Variants in IGDCC3 observed in about 807,000 individuals in gnomAD.
The protein encoded by IGDCC3 is putative neuronal cell adhesion molecule.
IGDCC3 carries 47 observed loss-of-function variants against 72.0 expected under a neutral mutation model. The ratio of observed to expected loss-of-function variants is 0.65; its 90% CI spans 0.52 to 0.83. The LOEUF (loss-of-function observed/expected upper bound fraction) is 0.83. Ranked by LOEUF, IGDCC3 falls within the 40% of genes least tolerant of loss-of-function variation. The pLI, the probability that IGDCC3 is intolerant of heterozygous loss-of-function variation, is 0.00. For synonymous variants in IGDCC3, 477 were observed against 472.8 expected, an observed-to-expected ratio of 1.01 and a Z score of -0.11; for missense variants, 1,038 against 1,091.3, an observed-to-expected ratio of 0.95 and a Z score of 0.69.
In IGDCC3 at chr15:65,330,537, G is replaced by C; in HGVS notation, c.1753+13C>G. 6.2e-7 allele frequency: 1 copy of C among 1,611,970 alleles called. No individual in the cohort carries two copies. The highest frequency in any genetic ancestry group is 8.5e-7 in the Non-Finnish European group (1 of 1,179,032). ...TGCCAAGCCCCCTAGGCTCTGGGCT[G>C]TGTCTGCCTCACCGAGCTGGCTGAG... On this transcript the variant is annotated intron_variant, in intron 10 of 13. Coordinates refer to ENST00000327987, the MANE Select transcript of IGDCC3 (RefSeq NM_004884.4).
chr15:65,375,638 C>T (rs986463925), intron 1 of IGDCC3, among the ~76,000 whole-genome samples: 1 of 152,204 alleles, frequency 6.6e-6, no homozygotes, highest in African/African-American at 2.4e-5. Flanking sequence ...ATTATTTGTA[C>T]TATTTCCTCT....
Position 65,327,281 on chromosome 15 carries a change from G to C in IGDCC3, c.*1628C>G, listed in dbSNP as rs1372557260. The C allele has an allele frequency of 6.6e-6, 1 of 152,616 alleles. No homozygotes were observed. The highest frequency in any genetic ancestry group is 2.4e-5 in the African/African-American group (1 of 41,450). 9.5% of individuals were successfully genotyped at this position (152,616 alleles called of 1,614,324 possible). On this transcript the variant is annotated 3_prime_UTR_variant, in exon 14 of 14. Transcript: ENST00000327987. ...GAGAGAAGCTGCTTTGGGAACAGAG[G>C]GGGCACTGCCTTGGAGCTTTGTGGA...
chr15:65,375,353 A>T lies in IGDCC3; in HGVS notation c.153T>A (p.Asp51Glu). 6.2e-7 allele frequency: 1 copy of T among 1,610,370 alleles called. No individual in the cohort carries two copies. Among genetic ancestry groups the T allele is most frequent in the Non-Finnish European group, 8.5e-7 (1 of 1,176,944 alleles). ...CTATAGGCTGCCCGGGGACGGCAAC[A>T]TCATCACTTGGCTCCACAGCAAATG... is the stretch of plus-strand genomic sequence containing the variant. ...ELAFAVEPSD[D>E]VAVPGQPIVL... The change falls in exon 2 of 14, where the codon GAT becomes GAA. Residue 51 changes from aspartate (D) to glutamate (E), a missense_variant. Asp to Glu is a conservative substitution (Grantham distance 45). Transcript: ENST00000327987.
At chr15:65,360,647 A>G (rs1484529949) in intron 2 of IGDCC3, among the ~76,000 whole-genome samples, 1 of 152,244 alleles carries the variant, frequency 6.6e-6, no homozygotes, top group East Asian at 1.9e-4. Context: ...AAAAGATCTG[A>G]GAAGTGTTTG....
rs376881448 is a variant in IGDCC3, at chr15:65,345,225, G to A, written c.410-9269C>T. Among the ~76,000 whole-genome samples, 39 of 152,180 alleles carry A rather than the reference G, an allele frequency of 2.6e-4. 1 individual carries two copies. Among genetic ancestry groups the A allele is most frequent in the East Asian group, 3.9e-4 (2 of 5,182 alleles). ...CAAACTCCCTCCATCCCACAAATCC[G>A]TCCTTAGATGTGCACACCCAACCTC... On this transcript the variant is annotated intron_variant, in intron 2 of 13. Transcript: ENST00000327987.
At chr15:65,376,855 G>C (rs2091362166) in intron 1 of IGDCC3, among the ~76,000 whole-genome samples, 1 of 152,114 alleles carries the variant, frequency 6.6e-6, no homozygotes, top group South Asian at 2.1e-4. Context: ...AGGTGGGAGG[G>C]TTAAGGGACT....
intron 2 of IGDCC3, among the ~76,000 whole-genome samples, chr15:65,370,343 G>C (rs978441035): frequency 6.6e-6 from 1 of 151,280 alleles, no homozygotes; most frequent in African/African-American, 2.4e-5. Flanking sequence ...ATGAAACCCT[G>C]TCTCTACTAA....
chr15:65,363,293 G>A (rs902879840), intron 2 of IGDCC3, among the ~76,000 whole-genome samples: 6 of 152,170 alleles, frequency 3.9e-5, no homozygotes, highest in East Asian at 1.9e-4. Flanking sequence ...CTCATATTCC[G>A]GGAATGATGA....
In IGDCC3 at chr15:65,331,468, G is replaced by C. The variant is rs1243403346; in HGVS notation, c.1340C>G (p.Pro447Arg). The C allele has an allele frequency of 1.2e-6, 2 of 1,613,292 alleles. No individual in the cohort carries two copies. The highest frequency in any genetic ancestry group is 3.3e-5 in the Admixed American group (2 of 59,990). The change falls in exon 8 of 14, where the codon CCG becomes CGG. Residue 447 changes from proline to arginine, a missense_variant. By Grantham distance (103) the Pro-to-Arg change is moderately radical. Coordinates refer to ENST00000327987, the MANE Select transcript of IGDCC3 (RefSeq NM_004884.4). ...GATGATCTCCTTGGTGTTGGCCAGCGGCTCACTCCAGGACACACGCACCTC... is the reference window on the plus strand; with the variant it reads ...GATGATCTCCTTGGTGTTGGCCAGCCGCTCACTCCAGGACACACGCACCTC... ...STEVRVSWSE[P>R]LANTKEIIGY... is the part of the protein sequence containing the mutation.
rs573274133 is a variant in IGDCC3, at chr15:65,363,765, T to C, written c.409+11332A>G. Among the ~76,000 whole-genome samples, 256 of 152,128 alleles carry C rather than the reference T, an allele frequency of 1.7e-3. 1 individual carries two copies. The highest frequency in any genetic ancestry group is 6.8e-3 in the Middle Eastern group (2 of 294). On this transcript the variant is annotated intron_variant, in intron 2 of 13. Transcript: ENST00000327987. Reference sequence around the variant, plus strand: ...TCAAACAAAGAGTAATTATGACAGATGTGGAGCAATCAGCATCATTATGCG... The same window carrying C: ...TCAAACAAAGAGTAATTATGACAGACGTGGAGCAATCAGCATCATTATGCG...
At chr15:65,358,461 G>T (rs545095697) in intron 2 of IGDCC3, among the ~76,000 whole-genome samples, 21 of 152,130 alleles carry the variant, frequency 1.4e-4, no homozygotes, top group Admixed American at 1.1e-3. Flanking sequence ...AGACTAAAAT[G>T]GCTGTTCAAA....
At position 65,329,292 on chromosome 15, in the gene IGDCC3, A is replaced by G. The variant is rs1162387515; in HGVS notation, c.2205+98T>C. 3 of 1,474,412 alleles carry G rather than the reference A, an allele frequency of 2.0e-6. No homozygotes were observed. Among genetic ancestry groups the G allele is most frequent in the Admixed American group, 4.4e-5 (2 of 45,662 alleles). 91.3% of individuals were successfully genotyped at this position (1,474,412 alleles called of 1,614,324 possible). On this transcript the variant is annotated intron_variant, in intron 13 of 13. Transcript: ENST00000327987. The surrounding 1 kb of genome is among the most constrained non-coding windows in gnomAD (Gnocchi z 4.1). ...GAAGACCTGCAGTTTGACTAAGGCC[A>G]ATGATCGAGGCCCGTGGCCAAGGTG...
rs1056112272 is a variant in IGDCC3 at position 65,377,088 on chromosome 15, CCTT to C, written c.103+595_103+597del. 1.3e-5 allele frequency among the ~76,000 whole-genome samples: 2 copies of C among 152,160 alleles called. No homozygotes were observed. The highest frequency in any genetic ancestry group is 1.9e-4 in the East Asian group (1 of 5,180). ...TCTCGCTTTCGGTGGCTTCTCCTCT[CCTT>C]CTTGGCTCACGGGCTCTGTCCCGGG... On this transcript the variant is annotated intron_variant, in intron 1 of 13. Coordinates refer to ENST00000327987, the MANE Select transcript of IGDCC3 (RefSeq NM_004884.4). The surrounding 1 kb of genome is among the most constrained non-coding windows in gnomAD (Gnocchi z 4.9).
At position 65,332,067 on chromosome 15, in the gene IGDCC3, C is replaced by T. The variant is rs1321604174; in HGVS notation, c.1022G>A (p.Arg341Lys). Residue 341 changes from arginine (R) to lysine (K), a missense_variant, in exon 7 of 14, where the codon AGG (arginine) becomes AAG (lysine). Transcript: ENST00000327987. ...EFVQHPQSIS[R>K]PAGTTAMFTC... Reference sequence around the variant, plus strand: ...GAACATGGCTGTGGTCCCAGCTGGCCTGGAGATGGACTGGGGATGCTGCAC... The same window carrying T: ...GAACATGGCTGTGGTCCCAGCTGGCTTGGAGATGGACTGGGGATGCTGCAC... The T allele has an allele frequency of 1.9e-6, 3 of 1,614,094 alleles. No homozygotes were observed. Among genetic ancestry groups the T allele is most frequent in the Admixed American group, 3.3e-5 (2 of 60,004 alleles).
At position 65,332,076 on chromosome 15, in the gene IGDCC3, G is replaced by C; in HGVS notation, c.1013C>G (p.Ser338Cys). The C allele has an allele frequency of 6.2e-7, 1 of 1,613,980 alleles. No homozygotes were observed. Among genetic ancestry groups the C allele is most frequent in the Non-Finnish European group, 8.5e-7 (1 of 1,180,002 alleles). ...APAEFVQHPQ[S>C]ISRPAGTTAM... ...TGTGGTCCCAGCTGGCCTGGAGATG[G>C]ACTGGGGATGCTGCACAAACTCAGC... is the stretch of plus-strand genomic sequence containing the variant. The change falls in exon 7 of 14, where the codon TCC becomes TGC. Residue 338 changes from serine to cysteine, a missense_variant. By Grantham distance (112) the Ser-to-Cys change is moderately radical. Coordinates refer to ENST00000327987, the MANE Select transcript of IGDCC3 (RefSeq NM_004884.4).
chr15:65,375,010 G>C, intron 2 of IGDCC3, 87 bp downstream of exon 2: 9 of 1,211,558 alleles, frequency 7.4e-6, no homozygotes, highest in Non-Finnish European at 1.1e-5. Flanking sequence ...GCATAAGATG[G>C]GACTGCTCCC....
intron 2 of IGDCC3, chr15:65,355,675 C>CCCCCCCCCCCAAA: frequency 3.5e-6 from 1 of 288,522 alleles, no homozygotes; most frequent in Non-Finnish European, 7.4e-6. Context: ...CCCGCCCCTC[C>CCCCCCCCCCCAAA]CGCATAGCAA....
At chr15:65,357,506 A>G (rs1159123226) in intron 2 of IGDCC3, among the ~76,000 whole-genome samples, 1 of 152,198 alleles carries the variant, frequency 6.6e-6, no homozygotes, top group East Asian at 1.9e-4. Context: ...CCTTGCATAG[A>G]AGTATCCATC....
rs1392295475 is a variant in IGDCC3, at chr15:65,339,457, T to G, written c.410-3501A>C. Among the ~76,000 whole-genome samples the G allele has an allele frequency of 1.3e-5, 2 of 152,214 alleles. No individual in the cohort carries two copies. Among genetic ancestry groups the G allele is most frequent in the African/African-American group, 4.8e-5 (2 of 41,454 alleles). ...ACAGCATTTTTTTCTTTAGGAAGTT[T>G]GAGGAAAAGGGATGTTGAGGCCATT... On this transcript the variant is annotated intron_variant, in intron 2 of 13. Transcript: ENST00000327987. This position sits in a 1 kb window ranked among gnomAD's most constrained non-coding sequence, Gnocchi z 4.1.
Sources: gnomAD v4.1 joint callset for allele counts (sites outside exome capture counted in the v4.1 genomes callset) on GRCh38, gnomAD v4.1.1 for gene constraint, Gnocchi (gnomAD v3.1) non-coding constraint, MANE v1.5 for transcripts, NCBI Gene and HGNC (gene_info 2026-07-23, HGNC 2026-07-21) for gene names.